Variants in RBM25 observed in about 807,000 individuals in gnomAD.
RBM25 encodes the protein RNA-binding protein 25.
RBM25 carries 19 observed loss-of-function variants against 120.7 expected under a neutral mutation model. That is an observed-to-expected ratio of 0.16 (90% CI 0.11 to 0.23). The LOEUF (loss-of-function observed/expected upper bound fraction) is 0.23, where lower values mean the gene tolerates loss of function less well. Among genes scored for constraint, RBM25 ranks in the 10% least tolerant of loss-of-function variants. The pLI, the probability that RBM25 is intolerant of heterozygous loss-of-function variation, is 1.00. For synonymous variants in RBM25, 390 were observed against 326.7 expected (o/e 1.19, Z -2.09); for missense variants, 605 against 1,041.5 (o/e 0.58, Z 5.77).
intron 6 of RBM25, among the ~76,000 whole-genome samples, chr14:73,095,253 G>A (rs1481404080): frequency 2.6e-5 from 4 of 152,170 alleles, no homozygotes; most frequent in South Asian, 2.1e-4. Flanking sequence ...GGAGAAGAGA[G>A]CGTTTTTCAA....
In RBM25 at chr14:73,077,448, A is replaced by G. The variant is rs758748135; in HGVS notation, c.236A>G (p.Asn79Ser). The change falls in exon 4 of 19, where the codon AAT becomes AGT. Residue 79 changes from asparagine (N) to serine (S), a missense_variant. Asn to Ser is a conservative substitution (Grantham distance 46, BLOSUM62 1). This residue lies in a region of RBM25 where 90 missense variants were observed against 107.3 expected (regional missense o/e 0.84). Coordinates refer to ENST00000261973, the MANE Select transcript of RBM25 (RefSeq NM_021239.3). Reference protein sequence around the residue: ...KDHPGLKAKENDENCGPTTTV... With the variant: ...KDHPGLKAKESDENCGPTTTV... ...CATCCAGGCTTAAAGGCTAAAGAAAATGATGAAAATTGTGGTCCTACTACC... is the reference window on the plus strand; with the variant it reads ...CATCCAGGCTTAAAGGCTAAAGAAAGTGATGAAAATTGTGGTCCTACTACC... The G allele has an allele frequency of 3.7e-6, 6 of 1,613,954 alleles. No individual in the cohort carries two copies. The Admixed American group carries it at 8.3e-5, about 22-fold the overall frequency.
intron 5 of RBM25, among the ~76,000 whole-genome samples, chr14:73,085,913 A>G (rs1037318905): frequency 6.6e-6 from 1 of 152,152 alleles, no homozygotes. Flanking sequence ...TGTATTTAAT[A>G]TGGATTCATT....
chr14:73,110,881 A>C lies in RBM25; in HGVS notation c.1743A>C (p.Pro581=), dbSNP rs138412278. Residue 581 remains proline, a synonymous_variant, in exon 15 of 19, where the codon CCA becomes CCC. Coordinates refer to ENST00000261973, the MANE Select transcript of RBM25 (RefSeq NM_021239.3). ...RRRQPQIKQE[P]ESEEEEEEKQ... is the part of the protein sequence containing the mutation. ...GGCAGCCACAAATAAAGCAAGAGCC[A>C]GAATCAGAAGAGGAGGAAGAAGAAA... The C allele has an allele frequency of 2.5e-6, 4 of 1,612,926 alleles. No individual in the cohort carries two copies. Among genetic ancestry groups the C allele is most frequent in the Non-Finnish European group, 3.4e-6 (4 of 1,179,634 alleles).
chr14:73,070,246 G>A (rs1338520274), intron 1 of RBM25, among the ~76,000 whole-genome samples: 3 of 151,722 alleles, frequency 2.0e-5, no homozygotes, highest in East Asian at 3.9e-4. Flanking sequence ...TAGTGGGGAC[G>A]GGGTTTCGCC....
intron 1 of RBM25, among the ~76,000 whole-genome samples, chr14:73,062,886 G>A (rs1389719758): frequency 6.8e-6 from 1 of 148,116 alleles, no homozygotes; most frequent in Non-Finnish European, 1.5e-5. Flanking sequence ...AGTGGTGTGA[G>A]CTCGGCTCAT....
At chr14:73,089,067 A>T (rs1399401984) in intron 6 of RBM25, among the ~76,000 whole-genome samples, 4 of 152,162 alleles carry the variant, frequency 2.6e-5, no homozygotes, top group African/African-American at 9.7e-5. Context: ...CTTGAACTGC[A>T]GAGGCGGAGG....
chr14:73,065,434 T>A (rs907437400), intron 1 of RBM25, among the ~76,000 whole-genome samples: 1 of 150,100 alleles, frequency 6.7e-6, no homozygotes, highest in Non-Finnish European at 1.5e-5. Context: ...AGCTAATTTT[T>A]TTTTTTTTTG....
intron 5 of RBM25, among the ~76,000 whole-genome samples, chr14:73,086,963 C>T (rs1895700391): frequency 6.6e-6 from 1 of 152,190 alleles, no homozygotes; most frequent in South Asian, 2.1e-4. Flanking sequence ...CCTCTGCCTC[C>T]CAGAGTGCTG....
At chr14:73,106,967 G>A (rs968190817) in intron 12 of RBM25, among the ~76,000 whole-genome samples, 3 of 151,826 alleles carry the variant, frequency 2.0e-5, no homozygotes, top group African/African-American at 7.3e-5. Flanking sequence ...AGCCTCCCGA[G>A]TAGCTGGGAT....
chr14:73,113,167 G>A (rs763456536), intron 17 of RBM25, among the ~76,000 whole-genome samples: 16 of 151,944 alleles, frequency 1.1e-4, no homozygotes, highest in Non-Finnish European at 1.6e-4. Context: ...GCTGTGTGAT[G>A]TTCCCCTCCC....
intron 6 of RBM25, among the ~76,000 whole-genome samples, chr14:73,089,591 GT>G (rs1423876129): frequency 6.6e-6 from 1 of 152,126 alleles, no homozygotes; most frequent in African/African-American, 2.4e-5. Flanking sequence ...CTGACTTCAG[GT>G]AATCTGTTCT....
chr14:73,088,401 A>G, intron 6 of RBM25: 1 of 620,360 alleles, frequency 1.6e-6, no homozygotes, highest in Non-Finnish European at 3.0e-6. Context: ...GAGGCTGGAC[A>G]AGGTTAACTT....
chr14:73,075,881 A>G (rs560800719), intron 2 of RBM25, among the ~76,000 whole-genome samples: 29 of 151,166 alleles, frequency 1.9e-4, no homozygotes, highest in African/African-American at 6.6e-4. Flanking sequence ...CCTGGGCTCA[A>G]TCTGTCCTCC....
chr14:73,119,931 AT>A lies in RBM25; in HGVS notation c.*132del. 7.3e-7 allele frequency: 1 copy of A among 1,378,354 alleles called. No individual in the cohort carries two copies. The highest frequency in any genetic ancestry group is 9.5e-7 in the Non-Finnish European group (1 of 1,056,502). 85.4% of individuals were successfully genotyped at this position (1,378,354 alleles called of 1,614,324 possible). A position where few individuals can be genotyped will look rare whatever the true frequency, so the allele number is the denominator to read the frequency against. On this transcript the variant is annotated 3_prime_UTR_variant, in exon 19 of 19. Transcript: ENST00000261973. ...TTTTTTTTTTTTGTAGAAAATGTGA[AT>A]TTTTTGGTCCTCTAATTTGTTGTTG... is the stretch of plus-strand genomic sequence containing the variant.
At position 73,111,034 on chromosome 14, in the gene RBM25, T is replaced by C. The variant is rs143579206; in HGVS notation, c.1896T>C (p.Asn632=). 10 of 1,614,052 alleles carry C rather than the reference T, an allele frequency of 6.2e-6. No individual in the cohort carries two copies. The highest frequency in any genetic ancestry group is 2.2e-5 in the East Asian group (1 of 44,904). ...SAPSVSSASG[N]ATPNTPGDES... ...CATCTGTTTCCTCTGCCAGTGGCAA[T>C]GCAACACCTAACACTCCTGGGGATG... Residue 632 remains asparagine, a synonymous_variant, in exon 15 of 19, where the codon AAT becomes AAC. Coordinates refer to ENST00000261973, the MANE Select transcript of RBM25 (RefSeq NM_021239.3).
chr14:73,066,947 A>T (rs1490438182), intron 1 of RBM25, among the ~76,000 whole-genome samples: 7 of 152,080 alleles, frequency 4.6e-5, no homozygotes, highest in East Asian at 1.9e-4. Context: ...TTTGACACTG[A>T]TCTATTCTAC....
rs1022380659 is a variant in RBM25 at position 73,116,669 on chromosome 14, A to C, written c.2439+2336A>C. On this transcript the variant is annotated intron_variant, in intron 18 of 18. Coordinates refer to ENST00000261973, the MANE Select transcript of RBM25 (RefSeq NM_021239.3). The stretch of plus-strand genomic sequence containing the variant: ...AGGGTGTCGTAGTTAGGCCTGAGTG[A>C]AGACATTTTTTAAATAAAACTGTGT... 3.3e-5 allele frequency among the ~76,000 whole-genome samples: 5 copies of C among 152,184 alleles called. No homozygotes were observed. The East Asian group carries it at 9.6e-4, about 29-fold the overall frequency.
At chr14:73,086,967 A>G (rs1192321056) in intron 5 of RBM25, among the ~76,000 whole-genome samples, 1 of 152,190 alleles carries the variant, frequency 6.6e-6, no homozygotes, top group African/African-American at 2.4e-5. Context: ...TGCCTCCCAG[A>G]GTGCTGGGAT....
chr14:73,122,356 A>G lies in RBM25; in HGVS notation c.*2551A>G, dbSNP rs1896553265. On this transcript the variant is annotated 3_prime_UTR_variant, in exon 19 of 19. Coordinates refer to ENST00000261973, the MANE Select transcript of RBM25 (RefSeq NM_021239.3). ...AATGGCGCGAGCTCAGCTCACTTCA[A>G]CTTCCGCCTCCCGGGTTCTGGAGAT... 1 of 151,784 alleles carries G rather than the reference A, an allele frequency of 6.6e-6. No individual in the cohort carries two copies. Among genetic ancestry groups the G allele is most frequent in the Admixed American group, 6.6e-5 (1 of 15,228 alleles). 9.4% of individuals were successfully genotyped at this position (151,784 alleles called of 1,614,324 possible).
Sources: gnomAD v4.1 joint callset for allele counts (sites outside exome capture counted in the v4.1 genomes callset) on GRCh38, gnomAD v4.1.1 for gene constraint, gnomAD v4.1.1 regional missense constraint, MANE v1.5 for transcripts, NCBI Gene and HGNC (gene_info 2026-07-23, HGNC 2026-07-21) for gene names.